Variants in CPED1 observed in about 807,000 individuals in gnomAD.
CPED1 encodes cadherin-like and PC-esterase domain-containing protein 1.
In CPED1, 114 loss-of-function variants were observed where a neutral mutation model predicts 128.2. The observed-to-expected ratio is 0.89, with a 90% confidence interval of 0.76 to 1.04. CPED1 has a LOEUF of 1.04. CPED1 is among the 50% of genes least tolerant of loss of function. The pLI, the probability that CPED1 is intolerant of heterozygous loss-of-function variation, is 0.00. For synonymous variants in CPED1, 462 were observed against 426.7 expected (o/e 1.08, Z -1.02); for missense variants, 1,211 against 1,207.1 (o/e 1.00, Z -0.05).
intron 3 of CPED1, among the ~76,000 whole-genome samples, chr7:121,031,455 T>G (rs976289729): frequency 6.6e-6 from 1 of 152,178 alleles, no homozygotes; most frequent in Admixed American, 6.5e-5. Context: ...ACCCAGCTAA[T>G]TTTTGTATTT....
chr7:121,233,384 G>T, intron 16 of CPED1, among the ~76,000 whole-genome samples: 1 of 151,822 alleles, frequency 6.6e-6, no homozygotes, highest in East Asian at 2.0e-4. Context: ...TGACACTTAA[G>T]ACCAAAAAAG....
At chr7:121,133,441 T>C (rs1173855633) in intron 12 of CPED1, among the ~76,000 whole-genome samples, 1 of 152,102 alleles carries the variant, frequency 6.6e-6, no homozygotes, top group African/African-American at 2.4e-5. Flanking sequence ...TGTATGTTCT[T>C]CTCAGGCTGT....
At chr7:121,261,953 T>C in intron 18 of CPED1, 1 of 440,916 alleles carries the variant, frequency 2.3e-6, no homozygotes, top group Non-Finnish European at 4.1e-6. Flanking sequence ...CCTCCAAGTC[T>C]CATGTTGAAA....
At chr7:121,113,087 A>G (rs1253139563) in intron 7 of CPED1, among the ~76,000 whole-genome samples, 2 of 152,204 alleles carry the variant, frequency 1.3e-5, no homozygotes, top group Non-Finnish European at 2.9e-5. Flanking sequence ...AATAGGTTGA[A>G]AATTCATGCA....
chr7:121,236,032 A>T (rs981834275), intron 16 of CPED1, among the ~76,000 whole-genome samples: 1 of 152,164 alleles, frequency 6.6e-6, no homozygotes, highest in Admixed American at 6.5e-5. Context: ...TACAGGGCCA[A>T]CAGCTTTGCA....
intron 2 of CPED1, among the ~76,000 whole-genome samples, chr7:120,995,391 G>T (rs1182866793): frequency 6.6e-6 from 1 of 151,986 alleles, no homozygotes; most frequent in South Asian, 2.1e-4. Flanking sequence ...AAAAACTTGT[G>T]GTCTCTTTTC....
chr7:121,051,906 A>G (rs1423076565), intron 4 of CPED1: 1 of 156,760 alleles, frequency 6.4e-6, no homozygotes, highest in Non-Finnish European at 1.4e-5. Context: ...GAATTACAAT[A>G]CGTGGCTTTT....
intron 3 of CPED1, among the ~76,000 whole-genome samples, chr7:121,038,765 C>A (rs1563001394): frequency 6.6e-6 from 1 of 151,914 alleles, no homozygotes; most frequent in African/African-American, 2.4e-5. Flanking sequence ...TTTTTTATGA[C>A]CTTGACAGTT....
At chr7:121,224,904 T>C (rs950225570) in intron 16 of CPED1, among the ~76,000 whole-genome samples, 7 of 150,390 alleles carry the variant, frequency 4.7e-5, no homozygotes, top group South Asian at 2.2e-4. Context: ...TACAGCACAC[T>C]GATGGGTCTT....
intron 18 of CPED1, among the ~76,000 whole-genome samples, chr7:121,247,315 GA>G (rs1378258779): frequency 6.6e-6 from 1 of 152,140 alleles, no homozygotes; most frequent in Non-Finnish European, 1.5e-5. Flanking sequence ...AGGAGTGGGA[GA>G]GGGGCAGGGT....
chr7:121,097,755 C>T lies in CPED1; in HGVS notation c.673C>T (p.Pro225Ser), dbSNP rs144805034. Residue 225 changes from proline to serine, a missense_variant, in exon 6 of 23, where the codon CCG becomes TCG. Pro to Ser is a moderately conservative substitution (Grantham distance 74). Transcript: ENST00000310396. ...TCTGGATCAGGGAATGCAATTAAAGCCGAGTACTTCGAGTCACCTTTTAAA... is the reference window on the plus strand; with the variant it reads ...TCTGGATCAGGGAATGCAATTAAAGTCGAGTACTTCGAGTCACCTTTTAAA... ...VCLDQGMQLK[P>S]STSSHLLKTV... 5.5e-3 allele frequency: 8,798 copies of T among 1,613,818 alleles called. 34 individuals are homozygous for T. The highest frequency in any genetic ancestry group is 6.6e-3 in the Non-Finnish European group (7,739 of 1,179,788).
At chr7:121,082,645 GA>G (rs1345826659) in intron 5 of CPED1, among the ~76,000 whole-genome samples, 1 of 152,070 alleles carries the variant, frequency 6.6e-6, no homozygotes, top group East Asian at 1.9e-4. Flanking sequence ...CCATCTATAG[GA>G]TAACCATCTG....
chr7:120,997,940 AATAAAAT>A (rs1562986488), intron 2 of CPED1, among the ~76,000 whole-genome samples: 30 of 130,652 alleles, frequency 2.3e-4, no homozygotes, highest in African/African-American at 9.7e-4. Context: ...AATAAAATAA[AATAAAAT>A]AAAATAAAAT....
At chr7:121,091,433 G>C (rs1259536683) in intron 5 of CPED1, among the ~76,000 whole-genome samples, 2 of 152,156 alleles carry the variant, frequency 1.3e-5, no homozygotes, top group Non-Finnish European at 2.9e-5. Flanking sequence ...AATGCCATAA[G>C]AGGATTCAGT....
chr7:121,028,073 C>G (rs950539253), intron 3 of CPED1, among the ~76,000 whole-genome samples: 1 of 152,130 alleles, frequency 6.6e-6, no homozygotes, highest in Non-Finnish European at 1.5e-5. Context: ...ATGGTACCTA[C>G]TGATTTGCTA....
intron 20 of CPED1, 23 bp downstream of exon 20, chr7:121,266,831 G>A (rs778288403): frequency 7.8e-6 from 12 of 1,538,776 alleles, no homozygotes; most frequent in Non-Finnish European, 1.1e-5. Flanking sequence ...AACAATAATT[G>A]TCATTAGTAT....
intron 3 of CPED1, among the ~76,000 whole-genome samples, chr7:121,025,306 C>T (rs965995277): frequency 6.6e-6 from 1 of 152,130 alleles, no homozygotes; most frequent in Non-Finnish European, 1.5e-5. Flanking sequence ...TCACCCCCAC[C>T]TATCTCCTAA....
intron 16 of CPED1, among the ~76,000 whole-genome samples, chr7:121,223,787 G>A (rs1165026075): frequency 6.6e-6 from 1 of 152,048 alleles, no homozygotes; most frequent in Non-Finnish European, 1.5e-5. Flanking sequence ...CTGTGTTTCT[G>A]TGGGATCGGT....
At chr7:121,217,927 G>C (rs1242131558) in intron 16 of CPED1, among the ~76,000 whole-genome samples, 2 of 151,434 alleles carry the variant, frequency 1.3e-5, no homozygotes, top group Non-Finnish European at 2.9e-5. Flanking sequence ...GCATATAGGT[G>C]TGTTTGTGTA....
Sources: allele counts gnomAD v4.1 joint callset (sites outside exome capture counted in the v4.1 genomes callset), GRCh38; gene constraint gnomAD v4.1.1; transcripts MANE v1.5; gene names NCBI Gene and HGNC (gene_info 2026-07-23, HGNC 2026-07-21).